RYR2: variants seen among roughly 807,000 people sequenced by gnomAD.
The protein encoded by RYR2 is ryanodine receptor 2.
In RYR2, 227 loss-of-function variants were observed where a neutral mutation model predicts 601.1. The ratio of observed to expected loss-of-function variants is 0.38; its 90% confidence interval spans 0.34 to 0.42. The LOEUF is 0.42. RYR2 is among the 10% of genes least tolerant of loss of function. The pLI is 1.00. For synonymous variants in RYR2, 2,223 were observed against 2,175.1 expected, an observed-to-expected ratio of 1.02 and a Z score of -0.61; for missense variants, 4,646 against 6,156.5, an observed-to-expected ratio of 0.75 and a Z score of 8.21.
Position 237,232,267 on chromosome 1 carries a change from C to G in RYR2, c.49-38230C>G, listed in dbSNP as rs948610944. The stretch of plus-strand genomic sequence containing the variant: ...GGGTTGAGATTTTCAGCCCCACCCC[C>G]AACACCCCGGGGAGGGGGAGAGGGT... On this transcript the variant is annotated intron_variant, in intron 1 of 104. Transcript: ENST00000366574. Among the ~76,000 whole-genome samples, 5 of 152,258 alleles carry G rather than the reference C, an allele frequency of 3.3e-5. No homozygotes were observed. In the South Asian group the frequency reaches 1.0e-3, roughly 32 times the overall value.
intron 1 of RYR2, among the ~76,000 whole-genome samples, chr1:237,148,557 C>CAT (rs1674334762): frequency 9.3e-6 from 1 of 107,894 alleles, no homozygotes; most frequent in Non-Finnish European, 2.0e-5. Flanking sequence ...TATATATACA[C>CAT]ACACACATAT....
chr1:237,776,789 C>G (rs1247414618), intron 87 of RYR2, among the ~76,000 whole-genome samples: 1 of 152,110 alleles, frequency 6.6e-6, no homozygotes, highest in African/African-American at 2.4e-5. Flanking sequence ...AGCTGGCCCT[C>G]TGGTGTGGTG....
At chr1:237,065,340 C>T (rs1044086310) in intron 1 of RYR2, among the ~76,000 whole-genome samples, 7 of 130,548 alleles carry the variant, frequency 5.4e-5, no homozygotes, top group East Asian at 2.2e-4. Context: ...AGTGCAATGG[C>T]GTGATCTTGG....
At position 237,610,197 on chromosome 1, in the gene RYR2, T is replaced by C. The variant is rs929372158; in HGVS notation, c.4684-565T>C. On this transcript the variant is annotated intron_variant, in intron 35 of 104. Coordinates refer to ENST00000366574, the MANE Select transcript of RYR2 (RefSeq NM_001035.3). The surrounding 1 kb of genome is among the most constrained non-coding windows in gnomAD (Gnocchi z 4.9). Reference sequence around the variant, plus strand: ...AAGAATTAAGGATGGCTGAAGATGATACTGGAGGTGGAGGAGAAATAAGTA... The same window carrying C: ...AAGAATTAAGGATGGCTGAAGATGACACTGGAGGTGGAGGAGAAATAAGTA... Among the ~76,000 whole-genome samples, 2 of 152,216 alleles carry C rather than the reference T, an allele frequency of 1.3e-5. No homozygotes were observed. Among genetic ancestry groups the C allele is most frequent in the African/African-American group, 4.8e-5 (2 of 41,470 alleles).
chr1:237,792,350 TGTG>T, intron 94 of RYR2, 27 bp downstream of exon 94: 1 of 61,334 alleles, frequency 1.6e-5, no homozygotes, highest in Non-Finnish European at 3.6e-5. Context: ...CCAAGGTACC[TGTG>T]TGTGTGTGTG....
chr1:237,589,710 C>T lies in RYR2; in HGVS notation c.3599-83C>T, dbSNP rs1674934959. On this transcript the variant is annotated intron_variant, in intron 29 of 104. Coordinates refer to ENST00000366574, the MANE Select transcript of RYR2 (RefSeq NM_001035.3). ...GGTGACAGCTCTCACAAAGTTCGGT[C>T]CTGGAACAATATGTTTGATAATTCT... The T allele has an allele frequency of 4.3e-6, 6 of 1,384,608 alleles. No individual in the cohort carries two copies. In the Admixed American group the frequency reaches 1.0e-4, roughly 23 times the overall value. 85.8% of individuals were successfully genotyped at this position (1,384,608 alleles called of 1,614,324 possible).
At chr1:237,583,885 A>C (rs1320611637) in intron 29 of RYR2, among the ~76,000 whole-genome samples, 1 of 152,192 alleles carries the variant, frequency 6.6e-6, no homozygotes, top group African/African-American at 2.4e-5. Flanking sequence ...GCTCATCAGC[A>C]CAGAAAGTTA....
At chr1:237,735,785 G>T (rs1350350511) in intron 79 of RYR2, among the ~76,000 whole-genome samples, 1 of 152,122 alleles carries the variant, frequency 6.6e-6, no homozygotes, top group Non-Finnish European at 1.5e-5. Flanking sequence ...TAAATGCCAA[G>T]TAAATAGTTG....
intron 10 of RYR2, among the ~76,000 whole-genome samples, chr1:237,389,660 C>T (rs148746122): frequency 2.6e-5 from 4 of 152,100 alleles, no homozygotes; most frequent in African/African-American, 4.8e-5. Context: ...TCTAATCCAG[C>T]GCCATCTTTT....
chr1:237,536,749 G>A (rs1412558878), intron 25 of RYR2, among the ~76,000 whole-genome samples: 2 of 134,786 alleles, frequency 1.5e-5, no homozygotes, highest in South Asian at 2.3e-4. Context: ...AGCCGGGCAT[G>A]GTGGCAGGCG....
At chr1:237,726,103 G>A (rs926010079) in intron 74 of RYR2, among the ~76,000 whole-genome samples, 170 bp from the exon 75 acceptor site, 4 of 152,070 alleles carry the variant, frequency 2.6e-5, no homozygotes, top group Non-Finnish European at 5.9e-5. Flanking sequence ...ACAGAAATAA[G>A]TGCTTTTCCG....
chr1:237,710,745 T>C (rs1688770695), intron 70 of RYR2, among the ~76,000 whole-genome samples: 1 of 127,284 alleles, frequency 7.9e-6, no homozygotes, highest in Admixed American at 8.0e-5. Flanking sequence ...GGTGGGAGCA[T>C]TGCTTGAGCT....
At chr1:237,224,213 C>T (rs1247306058) in intron 1 of RYR2, among the ~76,000 whole-genome samples, 1 of 151,960 alleles carries the variant, frequency 6.6e-6, no homozygotes, top group East Asian at 1.9e-4. Context: ...AAAAAAAACT[C>T]ATAGATGAAC....
At chr1:237,382,934 A>T (rs1701659728) in intron 8 of RYR2, among the ~76,000 whole-genome samples, 1 of 150,650 alleles carries the variant, frequency 6.6e-6, no homozygotes, top group African/African-American at 2.4e-5. Flanking sequence ...TTTCAGAAGA[A>T]AAAACTGATG....
At chr1:237,481,464 T>C (rs1029549158) in intron 17 of RYR2, among the ~76,000 whole-genome samples, 1 of 152,190 alleles carries the variant, frequency 6.6e-6, no homozygotes, top group African/African-American at 2.4e-5. Flanking sequence ...GTGTTGTAAT[T>C]ATGCTATATA....
At chr1:237,546,993 A>ATATATATATATATATT (rs746133377) in intron 25 of RYR2, among the ~76,000 whole-genome samples, 86 of 127,380 alleles carry the variant, frequency 6.8e-4, no homozygotes, top group East Asian at 3.1e-3. Context: ...ATATATATAT[A>ATATATATATATATATT]TATTTATTTA....
chr1:237,416,006 G>A (rs1192685562), intron 10 of RYR2, among the ~76,000 whole-genome samples: 1 of 152,158 alleles, frequency 6.6e-6, no homozygotes, highest in African/African-American at 2.4e-5. Flanking sequence ...CCACAATAAA[G>A]ATAGAATGAG....
At chr1:237,047,396 T>TTC (rs1453961107) in intron 1 of RYR2, among the ~76,000 whole-genome samples, 1 of 151,090 alleles carries the variant, frequency 6.6e-6, no homozygotes, top group Non-Finnish European at 1.5e-5. Context: ...AGCCTTTTTT[T>TTC]TTTTTTTTTT....
intron 13 of RYR2, 35 bp downstream of exon 13, chr1:237,441,518 T>G: frequency 7.0e-7 from 1 of 1,434,524 alleles, no homozygotes; most frequent in African/African-American, 1.4e-5. Flanking sequence ...TTTATAGAAG[T>G]AATTTTTTAT....
Sources: allele counts gnomAD v4.1 joint callset (sites outside exome capture counted in the v4.1 genomes callset), GRCh38; gene constraint gnomAD v4.1.1; non-coding constraint Gnocchi (gnomAD v3.1); transcripts MANE v1.5; gene names NCBI Gene and HGNC (gene_info 2026-07-23, HGNC 2026-07-21).